KCNIP4: variants seen among roughly 807,000 people sequenced by gnomAD.
KCNIP4 encodes the protein Kv channel-interacting protein 4.
KCNIP4 carries 12 observed loss-of-function variants against 34.0 expected under a neutral mutation model. The ratio of observed to expected loss-of-function variants is 0.35; its 90% CI spans 0.23 to 0.57. The LOEUF is 0.57. Among genes scored for constraint, KCNIP4 ranks in the 20% least tolerant of loss-of-function variants. The probability of loss-of-function intolerance (pLI) is 0.83; values close to 1 mark genes in which losing one functional copy is unlikely to be tolerated. For synonymous variants in KCNIP4, 124 were observed against 102.2 expected (o/e 1.21, Z -1.29); for missense variants, 238 against 311.7 (o/e 0.76, Z 1.78).
chr4:20,993,180 G>T (rs1737241297), intron 1 of KCNIP4, among the ~76,000 whole-genome samples: 1 of 152,076 alleles, frequency 6.6e-6, no homozygotes, highest in African/African-American at 2.4e-5. Context: ...CATGTAGCCT[G>T]GTTTTTGGAC....
intron 1 of KCNIP4, among the ~76,000 whole-genome samples, chr4:21,023,806 C>T (rs1740287730): frequency 1.3e-5 from 2 of 152,100 alleles, no homozygotes; most frequent in South Asian, 2.1e-4. Context: ...CACTTGAACC[C>T]AGGAGTTTGA....
At chr4:21,873,229 A>G (rs1725913131) in intron 1 of KCNIP4, among the ~76,000 whole-genome samples, 1 of 152,214 alleles carries the variant, frequency 6.6e-6, no homozygotes, top group South Asian at 2.1e-4. Flanking sequence ...GGTGATATAT[A>G]CTTGAAACGA....
At chr4:21,065,302 C>G (rs1345334740) in intron 1 of KCNIP4, among the ~76,000 whole-genome samples, 1 of 152,110 alleles carries the variant, frequency 6.6e-6, no homozygotes, top group Non-Finnish European at 1.5e-5. Flanking sequence ...AAATGAGTAT[C>G]TGGCACAGCC....
intron 1 of KCNIP4, among the ~76,000 whole-genome samples, chr4:21,200,876 T>C (rs764503627): frequency 9.9e-5 from 15 of 152,112 alleles, no homozygotes; most frequent in Non-Finnish European, 2.2e-4. Flanking sequence ...GTGACTCCAA[T>C]ATTAAAATCA....
At chr4:21,376,575 G>T (rs1237354483) in intron 1 of KCNIP4, among the ~76,000 whole-genome samples, 2 of 152,156 alleles carry the variant, frequency 1.3e-5, no homozygotes, top group East Asian at 3.9e-4. Flanking sequence ...TTTTTAAGGA[G>T]GTGTGTTCTA....
chr4:21,369,548 G>A lies in KCNIP4; in HGVS notation c.62-486839C>T, dbSNP rs149392937. Among the ~76,000 whole-genome samples, 200 of 147,008 alleles carry A rather than the reference G, an allele frequency of 1.4e-3. 41 individuals are homozygous for A. The highest frequency in any genetic ancestry group is 5.3e-3 in the African/African-American group (196 of 36,710). The stretch of plus-strand genomic sequence containing the variant: ...GGAGGTTGAGACTGCAGTGAGCCAT[G>A]ATTGTACCTTTACACTCCAGCCTGG... On this transcript the variant is annotated intron_variant, in intron 1 of 8. Coordinates refer to ENST00000382152, the MANE Select transcript of KCNIP4 (RefSeq NM_025221.6).
intron 1 of KCNIP4, among the ~76,000 whole-genome samples, chr4:21,117,199 C>G (rs532674089): frequency 6.6e-6 from 1 of 150,652 alleles, no homozygotes; most frequent in Non-Finnish European, 1.5e-5. Context: ...AGAGCAGCAA[C>G]TTTCACTTGT....
At position 21,774,205 on chromosome 4, in the gene KCNIP4, G is replaced by A. The variant is rs573341517; in HGVS notation, c.61+174366C>T. ...ATCCTTCACTTATAAAACTTAGTTT[G>A]GCTGGATATGAAACGCCGGGTTGAA... On this transcript the variant is annotated intron_variant, in intron 1 of 8. Transcript: ENST00000382152. 5.9e-5 allele frequency among the ~76,000 whole-genome samples: 9 copies of A among 152,134 alleles called. No homozygotes were observed. In the South Asian group the frequency reaches 1.9e-3, roughly 32 times the overall value.
intron 1 of KCNIP4, among the ~76,000 whole-genome samples, chr4:21,762,755 G>A (rs1470898372): frequency 2.6e-5 from 4 of 152,190 alleles, no homozygotes; most frequent in South Asian, 2.1e-4. Context: ...CTGGGTCAAC[G>A]AGACTCTTCC....
intron 1 of KCNIP4, chr4:21,849,545 A>C (rs968559850): frequency 2.0e-5 from 3 of 152,150 alleles, no homozygotes; most frequent in African/African-American, 7.2e-5. Flanking sequence ...ACATCGTCCC[A>C]GCAGAAAAAA....
chr4:21,408,915 G>C (rs572682805), intron 1 of KCNIP4, among the ~76,000 whole-genome samples: 89 of 152,142 alleles, frequency 5.8e-4, no homozygotes, highest in African/African-American at 2.1e-3. Context: ...TCCCAAATCT[G>C]TTTCTTTCTT....
intron 1 of KCNIP4, among the ~76,000 whole-genome samples, chr4:21,439,161 CAAA>C (rs76317670): frequency 4.3e-5 from 4 of 93,268 alleles, no homozygotes; most frequent in Non-Finnish European, 6.1e-5. Flanking sequence ...TAATCTGTCT[CAAA>C]AAAAAAAAAA....
At chr4:20,833,484 C>CAATAATAATAATAATAAT (rs375084319) in intron 3 of KCNIP4, among the ~76,000 whole-genome samples, 1,594 of 150,884 alleles carry the variant, frequency 0.011, 17 homozygotes, top group East Asian at 0.025. Context: ...GACCCCATCT[C>CAATAATAATAATAATAAT]AATAATAATA....
chr4:21,065,730 A>C (rs1195616333), intron 1 of KCNIP4, among the ~76,000 whole-genome samples: 6 of 59,060 alleles, frequency 1.0e-4, no homozygotes, highest in Admixed American at 1.8e-4. Context: ...ATTTGTCTAT[A>C]TATATATATA....
chr4:21,298,341 T>C (rs1763963800), intron 1 of KCNIP4, among the ~76,000 whole-genome samples: 1 of 152,152 alleles, frequency 6.6e-6, no homozygotes, highest in South Asian at 2.1e-4. Flanking sequence ...TGTTATGCTT[T>C]AATTCAATGC....
intron 1 of KCNIP4, among the ~76,000 whole-genome samples, chr4:21,179,032 G>T (rs1754649183): frequency 6.6e-6 from 1 of 151,964 alleles, no homozygotes; most frequent in Admixed American, 6.6e-5. Flanking sequence ...GCCCAGGCTG[G>T]TCTCAACATC....
intron 1 of KCNIP4, among the ~76,000 whole-genome samples, chr4:21,650,536 A>G (rs999350536): frequency 1.3e-5 from 2 of 152,204 alleles, no homozygotes; most frequent in African/African-American, 4.8e-5. Context: ...AACCTGTGCA[A>G]GTTATTATAC....
chr4:21,240,643 C>T (rs1759739578), intron 1 of KCNIP4, among the ~76,000 whole-genome samples: 1 of 152,158 alleles, frequency 6.6e-6, no homozygotes, highest in East Asian at 1.9e-4. Flanking sequence ...AGATAGGGTA[C>T]AATTTATTAG....
chr4:21,446,952 C>T (rs1577374390), intron 1 of KCNIP4, among the ~76,000 whole-genome samples: 1 of 151,436 alleles, frequency 6.6e-6, no homozygotes. Context: ...TCGATTATTC[C>T]AGTTTCAGGT....
Sources: gnomAD v4.1 joint callset for allele counts (sites outside exome capture counted in the v4.1 genomes callset) on GRCh38, gnomAD v4.1.1 for gene constraint, MANE v1.5 for transcripts, NCBI Gene and HGNC (gene_info 2026-07-23, HGNC 2026-07-21) for gene names.